The following CMTM4 variants were observed in gnomAD, a reference collection of about 807,000 sequenced individuals.
CMTM4 encodes the protein CKLF-like MARVEL transmembrane domain-containing protein 4.
CMTM4 carries 8 observed loss-of-function variants against 19.0 expected under a neutral mutation model. The observed-to-expected ratio is 0.42, with a 90% confidence interval of 0.25 to 0.76. The LOEUF is 0.76. CMTM4 is among the 30% of genes least tolerant of loss of function. CMTM4 has a pLI of 0.27. For missense variants in CMTM4, 228 were observed against 290.2 expected (o/e 0.79, Z 1.56); for synonymous variants, 106 against 121.1 (o/e 0.88, Z 0.82).
downstream of CMTM4, chr16:66,610,068 C>A: frequency 2.5e-6 from 4 of 1,593,638 alleles, no homozygotes; most frequent in Non-Finnish European, 3.4e-6. The surrounding 1 kb of genome is among the most constrained non-coding windows in gnomAD (Gnocchi z 4.6). Context: ...TCGGGGATGC[C>A]AGCTAGTTTG....
chr16:66,611,153 G>A (rs1597211233), downstream of CMTM4: 1 of 319,840 alleles, frequency 3.1e-6, no homozygotes, highest in Non-Finnish European at 5.6e-6. Context: ...TGACTTATAT[G>A]TTAGAATTGA....
the CMTM4 span, chr16:66,605,131 T>A: frequency 1.9e-6 from 1 of 516,328 alleles, no homozygotes; most frequent in Admixed American, 4.6e-5. This position sits in a 1 kb window ranked among gnomAD's most constrained non-coding sequence, Gnocchi z 4.6. Flanking sequence ...CCCCAAACTT[T>A]GGACGGCGGG....
chr16:66,635,707 TC>T (rs2015979304), intron 2 of CMTM4, among the ~76,000 whole-genome samples: 2 of 152,166 alleles, frequency 1.3e-5, no homozygotes, highest in Admixed American at 6.5e-5. Context: ...CCTGACTGAC[TC>T]CCTTTGAGCT....
chr16:66,604,812 C>T, the CMTM4 span: 13 of 1,256,754 alleles, frequency 1.0e-5, no homozygotes, highest in African/African-American at 1.7e-4. Context: ...CGCCATGTGG[C>T]CCCCAGACCC....
intron 1 of CMTM4, among the ~76,000 whole-genome samples, chr16:66,638,123 T>C (rs1379129099): frequency 6.6e-6 from 1 of 152,164 alleles, no homozygotes; most frequent in Non-Finnish European, 1.5e-5. Flanking sequence ...GACATCAGCT[T>C]ATCCCACCCT....
rs1402786472 is a variant in CMTM4 at position 66,645,657 on chromosome 16, T to C, written c.187-9076A>G. On this transcript the variant is annotated intron_variant, in intron 1 of 3. Coordinates refer to ENST00000394106, the MANE Select transcript of CMTM4 (RefSeq NM_181521.3). Reference sequence around the variant, plus strand: ...TATGTACCCTATGAATAAATGCACATGTATGACGCTGCACTGTGTGTCGTA... The same window carrying C: ...TATGTACCCTATGAATAAATGCACACGTATGACGCTGCACTGTGTGTCGTA... Among the ~76,000 whole-genome samples, 3 of 151,634 alleles carry C rather than the reference T, an allele frequency of 2.0e-5. No homozygotes were observed. The East Asian group carries it at 5.9e-4, about 30-fold the overall frequency.
intron 1 of CMTM4, among the ~76,000 whole-genome samples, chr16:66,672,830 C>T (rs1405926667): frequency 4.1e-5 from 6 of 144,874 alleles, no homozygotes; most frequent in African/African-American, 1.0e-4. Flanking sequence ...TTTCATATGT[C>T]GGCCAGGCTA....
chr16:66,671,651 A>C (rs1330244990), intron 1 of CMTM4, among the ~76,000 whole-genome samples: 3 of 152,152 alleles, frequency 2.0e-5, no homozygotes, highest in Non-Finnish European at 4.4e-5. Context: ...AGGAGTGGGC[A>C]CCTGACCCAG....
intron 1 of CMTM4, among the ~76,000 whole-genome samples, chr16:66,663,006 G>A (rs1306437107): frequency 1.3e-5 from 2 of 152,108 alleles, no homozygotes; most frequent in African/African-American, 4.8e-5. Flanking sequence ...ACCACTGGGT[G>A]GCATATACCG....
chr16:66,649,622 C>A (rs1398353306), intron 1 of CMTM4, among the ~76,000 whole-genome samples: 1 of 152,130 alleles, frequency 6.6e-6, no homozygotes, highest in Non-Finnish European at 1.5e-5. Context: ...ACAGTGGGAG[C>A]AGGTATGGTC....
At chr16:66,611,326 G>A (rs979843244), downstream of CMTM4, among the ~76,000 whole-genome samples, 2 of 152,050 alleles carry the variant, frequency 1.3e-5, no homozygotes, top group African/African-American at 2.4e-5. Flanking sequence ...GGTGGTGCCC[G>A]CCTGTAATCC....
At chr16:66,633,118 A>AAATATATATATAAATAT (rs1567408480) in intron 2 of CMTM4, among the ~76,000 whole-genome samples, 5 of 76,198 alleles carry the variant, frequency 6.6e-5, no homozygotes, top group Admixed American at 1.4e-4. Context: ...TATATATATA[A>AAATATATATATAAATAT]ATATATATAT....
chr16:66,619,463 C>T lies in CMTM4; in HGVS notation c.*2595G>A, dbSNP rs903548096. 3.0e-6 allele frequency: 3 copies of T among 985,330 alleles called. No individual in the cohort carries two copies. In the African/African-American group the frequency reaches 5.2e-5, roughly 17 times the overall value. 61.0% of individuals were successfully genotyped at this position (985,330 alleles called of 1,614,324 possible). On this transcript the variant is annotated 3_prime_UTR_variant, in exon 4 of 4. Transcript: ENST00000394106. ...CTGAGAAAAACTAAGGTCGCTCAGC[C>T]TTCAAATGCCCCAAACCAAACTGAT...
intron 1 of CMTM4, 83 bp from the exon 2 acceptor site, chr16:66,636,664 C>T: frequency 1.8e-6 from 2 of 1,104,106 alleles, no homozygotes; most frequent in Non-Finnish European, 2.7e-6. Context: ...GCTTATATAA[C>T]ACTGAACAAC....
chr16:66,680,718 G>A (rs1294376361), intron 1 of CMTM4, among the ~76,000 whole-genome samples: 2 of 139,604 alleles, frequency 1.4e-5, no homozygotes, highest in East Asian at 2.2e-4. Flanking sequence ...AGCTTGCAGT[G>A]AGCCGAGATC....
chr16:66,617,918 C>A lies in CMTM4; in HGVS notation c.*4140G>T. 1.0e-6 allele frequency: 1 copy of A among 987,704 alleles called. No homozygotes were observed. The highest frequency in any genetic ancestry group is 1.2e-6 in the Non-Finnish European group (1 of 831,516). 61.2% of individuals were successfully genotyped at this position (987,704 alleles called of 1,614,324 possible). On this transcript the variant is annotated 3_prime_UTR_variant, in exon 4 of 4. Transcript: ENST00000394106. ...GAGACAGCTTTCAAAGACAAGAGGA[C>A]AGGAAGGCAGTTAACAAAGTACACG...
At chr16:66,643,310 A>G (rs1319035366) in intron 1 of CMTM4, among the ~76,000 whole-genome samples, 1 of 152,186 alleles carries the variant, frequency 6.6e-6, no homozygotes, top group African/African-American at 2.4e-5. Context: ...CGTGTGGTTA[A>G]GCTACCGTAG....
At chr16:66,643,002 C>T (rs2016125320) in intron 1 of CMTM4, among the ~76,000 whole-genome samples, 1 of 152,132 alleles carries the variant, frequency 6.6e-6, no homozygotes, top group African/African-American at 2.4e-5. Flanking sequence ...GCAAGTGCAA[C>T]CTCTGCTTCC....
chr16:66,608,385 T>A, the CMTM4 span: 1 of 1,614,224 alleles, frequency 6.2e-7, no homozygotes, highest in Non-Finnish European at 8.5e-7. This position sits in a 1 kb window ranked among gnomAD's most constrained non-coding sequence, Gnocchi z 5.1. Context: ...CTGCTGGAGT[T>A]CCTGCTGGCC....
Sources: gnomAD v4.1 joint callset for allele counts (sites outside exome capture counted in the v4.1 genomes callset) on GRCh38, gnomAD v4.1.1 for gene constraint, Gnocchi (gnomAD v3.1) non-coding constraint, MANE v1.5 for transcripts, NCBI Gene and HGNC (gene_info 2026-07-23, HGNC 2026-07-21) for gene names.